SOX6: variants seen among roughly 807,000 people sequenced by gnomAD.
SOX6 encodes SRY-box transcription factor 6.
Under a neutral mutation model 97.8 loss-of-function variants are expected in SOX6, and 11 were observed. That is an observed-to-expected ratio of 0.11 (90% CI 0.07 to 0.19). The LOEUF (loss-of-function observed/expected upper bound fraction) is 0.19, where lower values mean the gene tolerates loss of function less well. Ranked by LOEUF, SOX6 falls within the 10% of genes least tolerant of loss-of-function variation. The pLI, the probability that SOX6 is intolerant of heterozygous loss-of-function variation, is 1.00. For synonymous variants in SOX6, 360 were observed against 371.4 expected (o/e 0.97, Z 0.35); for missense variants, 810 against 1,039.5 (o/e 0.78, Z 3.04).
upstream of SOX6, among the ~76,000 whole-genome samples, chr11:16,476,846 G>A (rs1371728267): frequency 2.6e-5 from 4 of 152,278 alleles, no homozygotes; most frequent in South Asian, 4.1e-4. Flanking sequence ...TACCTAAGGC[G>A]TGGAACCCAT....
chr11:16,231,958 A>G (rs539424680), intron 4 of SOX6, among the ~76,000 whole-genome samples: 81 of 151,990 alleles, frequency 5.3e-4, no homozygotes, highest in Middle Eastern at 3.4e-3. Context: ...AGAATATACA[A>G]TAAGATACAA....
intron 3 of SOX6, among the ~76,000 whole-genome samples, chr11:16,288,242 G>A (rs1476565537): frequency 6.6e-6 from 1 of 152,032 alleles, no homozygotes; most frequent in Non-Finnish European, 1.5e-5. Flanking sequence ...CTCAACTCAA[G>A]ACTATGCTAA....
intron 13 of SOX6, among the ~76,000 whole-genome samples, chr11:16,014,468 T>C (rs1327813337): frequency 2.6e-5 from 4 of 152,130 alleles, no homozygotes; most frequent in Non-Finnish European, 5.9e-5. Flanking sequence ...GATTTGGATA[T>C]GCTAAATATT....
intron 3 of SOX6, among the ~76,000 whole-genome samples, chr11:16,689,238 A>T: frequency 6.6e-6 from 1 of 152,268 alleles, no homozygotes; most frequent in East Asian, 1.9e-4. Context: ...GTTCTCTAGA[A>T]AGAATTTTAA....
intron 6 of SOX6, among the ~76,000 whole-genome samples, chr11:16,161,842 C>T (rs1850759054): frequency 6.6e-6 from 1 of 152,148 alleles, no homozygotes; most frequent in Non-Finnish European, 1.5e-5. Context: ...TTCACTGTTC[C>T]AACATACTAA....
At chr11:16,492,845 T>C (rs1194910569) in intron 4 of SOX6, among the ~76,000 whole-genome samples, 16 of 152,324 alleles carry the variant, frequency 1.1e-4, no homozygotes, top group African/African-American at 3.1e-4. Context: ...AGGATTTCTA[T>C]ATGGCCAATA....
At chr11:16,355,202 A>G (rs1438438962) in intron 1 of SOX6, among the ~76,000 whole-genome samples, 1 of 152,068 alleles carries the variant, frequency 6.6e-6, no homozygotes, top group East Asian at 1.9e-4. Flanking sequence ...CATCATCAAG[A>G]TAAACTTGCC....
intron 4 of SOX6, among the ~76,000 whole-genome samples, chr11:16,501,206 G>A (rs1030179602): frequency 2.6e-5 from 4 of 152,156 alleles, no homozygotes; most frequent in Middle Eastern, 3.2e-3. Flanking sequence ...ATAGGAAATG[G>A]GGAAAGGATT....
chr11:16,110,242 A>G (rs1174581518), intron 7 of SOX6: 2 of 152,150 alleles, frequency 1.3e-5, no homozygotes, highest in Non-Finnish European at 2.9e-5. Flanking sequence ...TTCCACATAC[A>G]GTTCATTTAA....
intron 3 of SOX6, among the ~76,000 whole-genome samples, chr11:16,637,920 T>A (rs538631821): frequency 6.6e-6 from 1 of 152,204 alleles, no homozygotes; most frequent in African/African-American, 2.4e-5. Flanking sequence ...ATTCTTTTTT[T>A]TTTTTTTTAT....
chr11:16,296,191 AATTAT>A (rs1855080636), intron 3 of SOX6, among the ~76,000 whole-genome samples: 1 of 152,154 alleles, frequency 6.6e-6, no homozygotes, highest in Non-Finnish European at 1.5e-5. Flanking sequence ...TTCATAATTC[AATTAT>A]AAGTACTGAG....
At position 16,320,158 on chromosome 11, in the gene SOX6, C is replaced by T. The variant is rs60686646; in HGVS notation, c.238-1505G>A. Among the ~76,000 whole-genome samples, 408 of 152,188 alleles carry T rather than the reference C, an allele frequency of 2.7e-3. 1 individual carries two copies. The highest frequency in any genetic ancestry group is 9.4e-3 in the African/African-American group (391 of 41,538). On this transcript the variant is annotated intron_variant, in intron 2 of 15. Transcript: ENST00000683767. ...CTTGCATTCACCTTTTATCTGTTTG[C>T]ACAAGGGTATTCTCTCTCCCTATAT... is the stretch of plus-strand genomic sequence containing the variant.
chr11:16,237,002 A>T (rs1331049748), intron 3 of SOX6, among the ~76,000 whole-genome samples: 1 of 152,032 alleles, frequency 6.6e-6, no homozygotes. Flanking sequence ...GGGAAAAAAT[A>T]AAGCAGCCTT....
chr11:16,588,526 A>T (rs1848119037), intron 4 of SOX6, among the ~76,000 whole-genome samples: 1 of 152,178 alleles, frequency 6.6e-6, no homozygotes, highest in Non-Finnish European at 1.5e-5. Flanking sequence ...GATTTTATCT[A>T]AATCCAAGGA....
In SOX6 at chr11:16,451,951, C is replaced by T. The variant is rs1859724750; in HGVS notation, c.-5+24364G>A. ...CAAGCCATGGTCATGCCACTGCACT[C>T]CAGTTTGGGTGACAGAGCAAGACCC... On this transcript the variant is annotated intron_variant, in intron 1 of 15. Coordinates refer to the SOX6 transcript ENST00000396356. 2.7e-5 allele frequency among the ~76,000 whole-genome samples: 4 copies of T among 146,812 alleles called. 1 individual carries two copies. The South Asian group carries it at 8.7e-4, about 32-fold the overall frequency.
intron 6 of SOX6, among the ~76,000 whole-genome samples, chr11:16,126,584 T>A (rs1178729264): frequency 6.6e-6 from 1 of 152,138 alleles, no homozygotes; most frequent in African/African-American, 2.4e-5. Flanking sequence ...TTAGATAGGC[T>A]TTCATTGAAA....
intron 3 of SOX6, among the ~76,000 whole-genome samples, chr11:16,630,471 A>AT (rs541856987): frequency 5.3e-5 from 8 of 151,676 alleles, no homozygotes; most frequent in Admixed American, 2.6e-4. Flanking sequence ...TATAATTTTG[A>AT]TTTTTTTTAA....
chr11:16,048,889 A>T (rs1847611426), intron 11 of SOX6, among the ~76,000 whole-genome samples: 1 of 152,116 alleles, frequency 6.6e-6, no homozygotes, highest in Non-Finnish European at 1.5e-5. Context: ...AATAATGTTA[A>T]TGCTTATTCG....
intron 3 of SOX6, chr11:16,315,396 G>A (rs140311704): frequency 1.8e-4 from 28 of 152,188 alleles, no homozygotes; most frequent in Non-Finnish European, 3.4e-4. Context: ...AGAAGAATAT[G>A]TAGAAAAATA....
Sources: gnomAD v4.1 joint callset for allele counts (sites outside exome capture counted in the v4.1 genomes callset) on GRCh38, gnomAD v4.1.1 for gene constraint, MANE v1.5 for transcripts, NCBI Gene and HGNC (gene_info 2026-07-23, HGNC 2026-07-21) for gene names.